EVI5: variants seen among roughly 807,000 people sequenced by gnomAD.
EVI5 encodes the protein ecotropic viral integration site 5 protein homolog.
A neutral mutation model predicts 112.0 loss-of-function variants in EVI5; 73 were observed. The observed-to-expected ratio is 0.65, with a 90% CI of 0.54 to 0.79. The LOEUF (loss-of-function observed/expected upper bound fraction) is 0.79, where lower values mean the gene tolerates loss of function less well. Among genes scored for constraint, EVI5 ranks in the 30% least tolerant of loss-of-function variants. EVI5 has a pLI of 0.00. For synonymous variants in EVI5, 305 were observed against 319.9 expected, an observed-to-expected ratio of 0.95 and a Z score of 0.50; for missense variants, 900 against 968.8, an observed-to-expected ratio of 0.93 and a Z score of 0.94.
chr1:92,518,646 G>A lies in EVI5; in HGVS notation c.2167-4676C>T, dbSNP rs563887277. On this transcript the variant is annotated intron_variant, in intron 19 of 19. Transcript: ENST00000684568. ...GGGAAAAAACTCAGTTAAGAGAGAA[G>A]GGATGCTTTAAAAAAAAAAAAAGAG... 2.1e-3 allele frequency among the ~76,000 whole-genome samples: 192 copies of A among 91,550 alleles called. 1 individual carries two copies. Among genetic ancestry groups the A allele is most frequent in the African/African-American group, 8.9e-3 (182 of 20,414 alleles). The allele number at this position is 91,550 out of a possible 152,430, so 60.1% of individuals were successfully genotyped here.
At chr1:92,627,097 T>C (rs1233994737) in intron 14 of EVI5, among the ~76,000 whole-genome samples, 2 of 152,340 alleles carry the variant, frequency 1.3e-5, no homozygotes, top group East Asian at 1.9e-4. Flanking sequence ...TTGTGAGATT[T>C]TGGTGTACCC....
chr1:92,666,287 T>TAC (rs1345102555), intron 10 of EVI5, among the ~76,000 whole-genome samples: 1 of 151,232 alleles, frequency 6.6e-6, no homozygotes, highest in Non-Finnish European at 1.5e-5. Flanking sequence ...CTATGAAAAC[T>TAC]ACACACACAC....
chr1:92,534,761 C>T (rs1193228286), intron 19 of EVI5, among the ~76,000 whole-genome samples: 2 of 152,140 alleles, frequency 1.3e-5, no homozygotes, highest in African/African-American at 4.8e-5. Flanking sequence ...ACACTTTATA[C>T]AAAAATTAAC....
chr1:92,593,703 A>AT (rs1674410675), intron 18 of EVI5, among the ~76,000 whole-genome samples: 2 of 152,202 alleles, frequency 1.3e-5, no homozygotes, highest in Non-Finnish European at 2.9e-5. Context: ...CCTTAAGCTG[A>AT]TAAGCAACTT....
intron 16 of EVI5, among the ~76,000 whole-genome samples, chr1:92,614,307 A>G (rs1353958443): frequency 2.0e-5 from 3 of 152,232 alleles, no homozygotes; most frequent in African/African-American, 4.8e-5. Flanking sequence ...AAGCATAGGA[A>G]AAGGCAAGGA....
intron 16 of EVI5, among the ~76,000 whole-genome samples, chr1:92,610,000 C>T (rs950367797): frequency 7.2e-5 from 11 of 152,158 alleles, no homozygotes; most frequent in African/African-American, 2.7e-4. Context: ...ATCCTCCCAC[C>T]TCGGTCTCCT....
intron 1 of EVI5, among the ~76,000 whole-genome samples, chr1:92,746,656 G>C (rs1353958463): frequency 6.6e-6 from 1 of 152,124 alleles, no homozygotes; most frequent in East Asian, 1.9e-4. Context: ...AGCCCAGGAG[G>C]CCAAGGCAGA....
intron 2 of EVI5, among the ~76,000 whole-genome samples, chr1:92,713,536 G>C (rs1673153550): frequency 6.6e-6 from 1 of 152,122 alleles, no homozygotes; most frequent in South Asian, 2.1e-4. Flanking sequence ...AGCACTTTGG[G>C]AGGCTGAAAC....
At chr1:92,595,023 T>C (rs971266490) in intron 18 of EVI5, among the ~76,000 whole-genome samples, 1 of 152,098 alleles carries the variant, frequency 6.6e-6, no homozygotes, top group Non-Finnish European at 1.5e-5. Context: ...CTCAGGGATC[T>C]AGAACTAGAA....
intron 5 of EVI5, among the ~76,000 whole-genome samples, chr1:92,700,634 C>A (rs1182392953): frequency 2.0e-5 from 3 of 152,166 alleles, no homozygotes; most frequent in Non-Finnish European, 4.4e-5. Flanking sequence ...AGAGGATTCA[C>A]AGGATCCACA....
intron 19 of EVI5, among the ~76,000 whole-genome samples, chr1:92,541,898 T>A (rs1664865811): frequency 6.6e-6 from 1 of 152,240 alleles, no homozygotes; most frequent in Admixed American, 6.5e-5. Flanking sequence ...TAAAAAATGC[T>A]AATGATCACC....
intron 14 of EVI5, among the ~76,000 whole-genome samples, chr1:92,630,853 T>C (rs1340489668): frequency 6.6e-6 from 1 of 152,182 alleles, no homozygotes; most frequent in Non-Finnish European, 1.5e-5. Context: ...GTATAAGGTG[T>C]AAGGAAGGGA....
intron 10 of EVI5, among the ~76,000 whole-genome samples, chr1:92,673,160 C>G (rs887263999): frequency 1.3e-5 from 2 of 148,356 alleles, no homozygotes; most frequent in African/African-American, 5.0e-5. Context: ...AAATGTAATT[C>G]CTGGGCAACT....
intron 1 of EVI5, among the ~76,000 whole-genome samples, chr1:92,781,605 A>G (rs556623407): frequency 2.7e-4 from 41 of 152,266 alleles, no homozygotes; most frequent in African/African-American, 9.9e-4. Context: ...ATAGGACACA[A>G]AAAGCAGTAA....
chr1:92,689,372 C>CT (rs752211277), intron 9 of EVI5, among the ~76,000 whole-genome samples: 27 of 151,192 alleles, frequency 1.8e-4, no homozygotes, highest in South Asian at 4.2e-4. Flanking sequence ...AACAATGAGA[C>CT]TTTTTTTTTA....
At chr1:92,684,349 T>C (rs1035298649) in intron 9 of EVI5, among the ~76,000 whole-genome samples, 3 of 152,166 alleles carry the variant, frequency 2.0e-5, no homozygotes, top group Admixed American at 2.0e-4. Flanking sequence ...GACACAGAAA[T>C]GCTGAGAGAT....
At chr1:92,582,013 T>C (rs932290345) in intron 18 of EVI5, among the ~76,000 whole-genome samples, 1 of 152,168 alleles carries the variant, frequency 6.6e-6, no homozygotes, top group African/African-American at 2.4e-5. Flanking sequence ...TTCTGAGAAA[T>C]GTGTTGTTAG....
intron 19 of EVI5, among the ~76,000 whole-genome samples, chr1:92,561,022 T>C (rs975611280): frequency 6.6e-6 from 1 of 152,336 alleles, no homozygotes; most frequent in Non-Finnish European, 1.5e-5. Flanking sequence ...GTATCAGGAA[T>C]AGATGTGGCT....
chr1:92,676,764 CATA>C lies in EVI5; in HGVS notation c.1158+391_1158+393del, dbSNP rs1481533502. 2.2e-3 allele frequency among the ~76,000 whole-genome samples: 342 copies of C among 152,218 alleles called. 3 individuals are homozygous for C. The highest frequency in any genetic ancestry group is 7.5e-3 in the African/African-American group (310 of 41,532). On this transcript the variant is annotated intron_variant, in intron 10 of 19. Transcript: ENST00000684568. ...AAGCTTTCTGCAGCTCTAGAGCAAC[CATA>C]ATTAGTTCTAGTGTAATATATGCTC...
Sources: gnomAD v4.1 joint callset for allele counts (sites outside exome capture counted in the v4.1 genomes callset) on GRCh38, gnomAD v4.1.1 for gene constraint, MANE v1.5 for transcripts, NCBI Gene and HGNC (gene_info 2026-07-23, HGNC 2026-07-21) for gene names.